The following CDH13 variants were observed in gnomAD, a reference collection of about 807,000 sequenced individuals.
CDH13 encodes cadherin-13.
In CDH13, 24 loss-of-function variants were observed where a neutral mutation model predicts 63.8. That is an observed-to-expected ratio of 0.38 (90% CI 0.27 to 0.53). The LOEUF (loss-of-function observed/expected upper bound fraction) is 0.53, where lower values mean the gene tolerates loss of function less well. Ranked by LOEUF, CDH13 falls within the 20% of genes least tolerant of loss-of-function variation. CDH13 has a pLI of 0.85. For synonymous variants in CDH13, 503 were observed against 355.3 expected, an observed-to-expected ratio of 1.42 and a Z score of -4.67; for missense variants, 1,049 against 903.1, an observed-to-expected ratio of 1.16 and a Z score of -2.07.
intron 5 of CDH13, among the ~76,000 whole-genome samples, chr16:83,323,029 G>T (rs1329144791): frequency 6.6e-6 from 1 of 151,796 alleles, no homozygotes; most frequent in East Asian, 1.9e-4. Flanking sequence ...ACCCTGTAGG[G>T]GGCCACAGGT....
At chr16:83,651,654 AGCACAATCTTGGCTCACTACAACCTCT>A (rs1477785049) in intron 8 of CDH13, among the ~76,000 whole-genome samples, 1 of 123,450 alleles carries the variant, frequency 8.1e-6, no homozygotes, top group East Asian at 2.4e-4. Context: ...GGAGTGCAGT[AGCACAATCTTGGCTCACTACAACCTCT>A]GCCTCCCAGG....
At chr16:83,038,733 C>G (rs1917082930) in intron 3 of CDH13, among the ~76,000 whole-genome samples, 1 of 152,210 alleles carries the variant, frequency 6.6e-6, no homozygotes, top group Non-Finnish European at 1.5e-5. Context: ...TGCTTCGTTC[C>G]TCACGCAGAA....
At chr16:82,926,909 C>G (rs922198237) in intron 2 of CDH13, among the ~76,000 whole-genome samples, 2 of 152,164 alleles carry the variant, frequency 1.3e-5, no homozygotes, top group Non-Finnish European at 2.9e-5. Context: ...AACTTACCAT[C>G]TTAAAGCAAT....
intron 4 of CDH13, among the ~76,000 whole-genome samples, chr16:83,199,951 T>A (rs2038977320): frequency 6.6e-6 from 1 of 152,192 alleles, no homozygotes; most frequent in South Asian, 2.1e-4. Flanking sequence ...GAATGGTGGC[T>A]ATTGCTCGGG....
intron 1 of CDH13, among the ~76,000 whole-genome samples, chr16:82,696,565 A>T (rs1044529689): frequency 6.6e-6 from 1 of 152,218 alleles, no homozygotes; most frequent in Non-Finnish European, 1.5e-5. Context: ...GGTGATAGAA[A>T]CAAAATCAGA....
chr16:83,765,538 CTA>C (rs71717215), intron 11 of CDH13, among the ~76,000 whole-genome samples: 27,488 of 150,770 alleles, frequency 0.18, 3,465 homozygotes, highest in African/African-American at 0.34. Context: ...TAACATTTTT[CTA>C]TATATATATA....
intron 5 of CDH13, among the ~76,000 whole-genome samples, chr16:83,268,996 C>T (rs1180441077): frequency 6.6e-6 from 1 of 152,154 alleles, no homozygotes; most frequent in Non-Finnish European, 1.5e-5. Flanking sequence ...TCCTTCTGAC[C>T]AGACAACTTG....
chr16:82,713,814 AAAC>A (rs1332611298), intron 1 of CDH13, among the ~76,000 whole-genome samples: 7 of 148,188 alleles, frequency 4.7e-5, no homozygotes, highest in African/African-American at 1.8e-4. Context: ...GTGAAAAAAA[AAAC>A]AAACAAAAAA....
intron 4 of CDH13, among the ~76,000 whole-genome samples, chr16:83,154,480 T>C (rs1466281350): frequency 6.6e-6 from 1 of 151,670 alleles, no homozygotes; most frequent in Non-Finnish European, 1.5e-5. Context: ...GGCAGGAGAA[T>C]TGCTTGAAAC....
chr16:82,994,126 G>A (rs1339981208), intron 2 of CDH13, among the ~76,000 whole-genome samples: 1 of 152,176 alleles, frequency 6.6e-6, no homozygotes, highest in African/African-American at 2.4e-5. Flanking sequence ...GGGAAGGGAT[G>A]TTCTATTCCC....
At position 83,517,655 on chromosome 16, in the gene CDH13, G is replaced by C. The variant is rs111503998; in HGVS notation, c.960+31000G>C. 5.8e-3 allele frequency among the ~76,000 whole-genome samples: 879 copies of C among 152,318 alleles called. 7 individuals carry two copies. The highest frequency in any genetic ancestry group is 0.02 in the African/African-American group (823 of 41,574). ...TCACCAGGAAGTTCCTTTGTTTGTT[G>C]CAGTGACAGTCTGGAAAACAATGTG... is the stretch of plus-strand genomic sequence containing the variant. On this transcript the variant is annotated intron_variant, in intron 7 of 13. Transcript: ENST00000567109.
intron 10 of CDH13, 62 bp from the exon 11 acceptor site, chr16:83,748,046 C>T: frequency 1.9e-6 from 3 of 1,584,974 alleles, no homozygotes; most frequent in South Asian, 1.1e-5. Context: ...GCCCTGCACT[C>T]TGTAAATGTT....
chr16:83,393,583 C>G (rs1282560968), intron 6 of CDH13, among the ~76,000 whole-genome samples: 6 of 152,138 alleles, frequency 3.9e-5, no homozygotes, highest in Non-Finnish European at 7.4e-5. Context: ...GCGGAGGAGA[C>G]ATAGACATAT....
chr16:83,788,586 C>T (rs775680285), intron 13 of CDH13, among the ~76,000 whole-genome samples: 1 of 152,000 alleles, frequency 6.6e-6, no homozygotes, highest in African/African-American at 2.4e-5. Flanking sequence ...CAGCAGGTTG[C>T]CAAGGATTTC....
chr16:83,285,842 C>T (rs181412096), intron 5 of CDH13, among the ~76,000 whole-genome samples: 142 of 152,036 alleles, frequency 9.3e-4, no homozygotes, highest in African/African-American at 3.3e-3. Context: ...AAATGCATAA[C>T]GAATTATAGA....
intron 1 of CDH13, among the ~76,000 whole-genome samples, chr16:82,627,949 C>A (rs530282772): frequency 1.3e-5 from 2 of 152,376 alleles, no homozygotes; most frequent in Admixed American, 6.5e-5. Flanking sequence ...CCCACCCGGG[C>A]TGCAGCTGCT....
At chr16:83,209,814 T>C (rs2039288127) in intron 4 of CDH13, among the ~76,000 whole-genome samples, 1 of 150,770 alleles carries the variant, frequency 6.6e-6, no homozygotes, top group African/African-American at 2.4e-5. Flanking sequence ...CTGCATGGAG[T>C]GGGCAGGAGA....
At position 83,743,040 on chromosome 16, in the gene CDH13, C is replaced by G. The variant is rs1597160318; in HGVS notation, c.1539-5068C>G. 2.0e-5 allele frequency among the ~76,000 whole-genome samples: 3 copies of G among 152,276 alleles called. No individual in the cohort carries two copies. The South Asian group carries it at 6.2e-4, about 32-fold the overall frequency. ...CTGGCCAACTTGGTGAAACCCCGCT[C>G]TACTAAAAATAGAAAATTTAGCCAG... is the stretch of plus-strand genomic sequence containing the variant. On this transcript the variant is annotated intron_variant, in intron 10 of 13. Coordinates refer to ENST00000567109, the MANE Select transcript of CDH13 (RefSeq NM_001257.5).
intron 6 of CDH13, among the ~76,000 whole-genome samples, chr16:83,372,499 A>T (rs2091386205): frequency 6.6e-6 from 1 of 152,074 alleles, no homozygotes; most frequent in Non-Finnish European, 1.5e-5. Context: ...CATGCCTGTT[A>T]TCCTAGCACT....
Sources: gnomAD v4.1 joint callset for allele counts (sites outside exome capture counted in the v4.1 genomes callset) on GRCh38, gnomAD v4.1.1 for gene constraint, MANE v1.5 for transcripts, NCBI Gene and HGNC (gene_info 2026-07-23, HGNC 2026-07-21) for gene names.